The following GABRA1 variants were observed in gnomAD, a reference collection of about 807,000 sequenced individuals.
The protein encoded by GABRA1 is gamma-aminobutyric acid type A receptor subunit alpha1.
GABRA1 carries 9 observed loss-of-function variants against 48.9 expected under a neutral mutation model. The ratio of observed to expected loss-of-function variants is 0.18; its 90% CI spans 0.11 to 0.32. GABRA1 has a LOEUF of 0.32. Ranked by LOEUF, GABRA1 falls within the 10% of genes least tolerant of loss-of-function variation. GABRA1 has a pLI of 1.00. For synonymous variants in GABRA1, 210 were observed against 198.7 expected (o/e 1.06, Z -0.48); for missense variants, 285 against 553.8 (o/e 0.51, Z 4.87).
At chr5:161,862,063 C>T (rs759996934) in intron 3 of GABRA1, among the ~76,000 whole-genome samples, 9 of 151,746 alleles carry the variant, frequency 5.9e-5, no homozygotes, top group Non-Finnish European at 1.0e-4. Context: ...AACAAAATAC[C>T]ACCTACAATT....
intron 8 of GABRA1, among the ~76,000 whole-genome samples, chr5:161,893,009 A>AACT (rs3078111): frequency 3.3e-5 from 4 of 122,432 alleles, no homozygotes; most frequent in African/African-American, 1.4e-4. Flanking sequence ...CTTCTCAAAA[A>AACT]AATAATAATA....
intron 8 of GABRA1, among the ~76,000 whole-genome samples, chr5:161,893,841 C>T (rs1755237718): frequency 1.3e-5 from 2 of 152,186 alleles, no homozygotes; most frequent in Admixed American, 6.5e-5. Context: ...TATACATTGT[C>T]AGGTTCCATA....
chr5:161,876,679 C>T (rs996849342), intron 6 of GABRA1, among the ~76,000 whole-genome samples: 8 of 152,118 alleles, frequency 5.3e-5, no homozygotes, highest in African/African-American at 1.9e-4. Flanking sequence ...GTTAAACAGA[C>T]ATTTGGTGAT....
At chr5:161,854,084 A>C in intron 2 of GABRA1, 74 bp from the exon 3 acceptor site, 2 of 758,714 alleles carry the variant, frequency 2.6e-6, no homozygotes, top group Admixed American at 2.2e-5. Flanking sequence ...AAAACTGAGA[A>C]AGGATTTATT....
chr5:161,881,383 T>C (rs1026249823), intron 6 of GABRA1, among the ~76,000 whole-genome samples: 2 of 152,152 alleles, frequency 1.3e-5, no homozygotes, highest in Non-Finnish European at 2.9e-5. Context: ...TCTCTTTCTC[T>C]CTCACTCTAT....
chr5:161,853,320 T>TTAAATA lies in GABRA1; in HGVS notation c.75-831_75-826dup, dbSNP rs1237761019. Among the ~76,000 whole-genome samples the TTAAATA allele has an allele frequency of 2.0e-5, 3 of 151,946 alleles. No homozygotes were observed. In the East Asian group the frequency reaches 5.8e-4, roughly 29 times the overall value. On this transcript the variant is annotated intron_variant, in intron 2 of 9. Transcript: ENST00000393943. ...AGGCTACATCTCCAACTAGCAACGT[T>TTAAATA]TAAATATAAATAATTATCCCAATAT...
intron 3 of GABRA1, among the ~76,000 whole-genome samples, chr5:161,863,317 C>T (rs1349022775): frequency 3.9e-5 from 6 of 151,934 alleles, no homozygotes; most frequent in Middle Eastern, 6.8e-3. Context: ...AAAGAAAACA[C>T]GATTTATTGG....
intron 7 of GABRA1, among the ~76,000 whole-genome samples, chr5:161,885,422 G>A (rs1581209704): frequency 1.3e-5 from 2 of 152,212 alleles, no homozygotes; most frequent in African/African-American, 4.8e-5. Context: ...CACACATTGA[G>A]AATGACTAGA....
chr5:161,873,363 T>C, intron 5 of GABRA1, 26 bp downstream of exon 5: 1 of 1,542,388 alleles, frequency 6.5e-7, no homozygotes, highest in South Asian at 1.1e-5. Context: ...CTGCCATTCA[T>C]GAATGTTTCT....
chr5:161,861,269 A>G (rs977597756), intron 3 of GABRA1, among the ~76,000 whole-genome samples: 2 of 151,824 alleles, frequency 1.3e-5, no homozygotes, highest in African/African-American at 4.8e-5. Flanking sequence ...GTACTCCGTA[A>G]ATGCATACAC....
intron 4 of GABRA1, among the ~76,000 whole-genome samples, chr5:161,869,551 A>G (rs566315444): frequency 3.9e-5 from 6 of 152,350 alleles, no homozygotes; most frequent in African/African-American, 1.2e-4. Flanking sequence ...AGGTTCTGAC[A>G]GAAATATCCA....
chr5:161,884,946 G>T lies in GABRA1; in HGVS notation c.703+2245G>T, dbSNP rs185408587. 3.5e-3 allele frequency among the ~76,000 whole-genome samples: 538 copies of T among 152,124 alleles called. 5 individuals are homozygous for T. Among genetic ancestry groups the T allele is most frequent in the African/African-American group, 0.012 (514 of 41,502 alleles). On this transcript the variant is annotated intron_variant, in intron 7 of 9. Coordinates refer to ENST00000393943, the MANE Select transcript of GABRA1 (RefSeq NM_001127644.2). ...AAGGGATTCAACCTGTCTACATTCT[G>T]GATACTCAGAAAAAATACGCAGTCA...
chr5:161,878,604 G>A (rs1158809205), intron 6 of GABRA1, among the ~76,000 whole-genome samples: 5 of 152,072 alleles, frequency 3.3e-5, no homozygotes, highest in South Asian at 2.1e-4. Flanking sequence ...CTTTCTTACC[G>A]TTCTCTATTA....
chr5:161,865,265 A>G (rs1402505487), intron 3 of GABRA1, among the ~76,000 whole-genome samples: 2 of 152,146 alleles, frequency 1.3e-5, no homozygotes, highest in Non-Finnish European at 2.9e-5. Flanking sequence ...ACATTTATAA[A>G]ACATACTCTT....
intron 8 of GABRA1, among the ~76,000 whole-genome samples, chr5:161,892,203 C>T (rs1755122081): frequency 6.6e-6 from 1 of 152,146 alleles, no homozygotes; most frequent in South Asian, 2.1e-4. Flanking sequence ...GTGAGAGGTG[C>T]AATTATCAAG....
chr5:161,893,579 G>A (rs1755221631), intron 8 of GABRA1, among the ~76,000 whole-genome samples: 1 of 152,146 alleles, frequency 6.6e-6, no homozygotes, highest in African/African-American at 2.4e-5. Flanking sequence ...CAGAATGAAA[G>A]AAGGTTGCAG....
intron 3 of GABRA1, among the ~76,000 whole-genome samples, chr5:161,864,848 T>C (rs979099460): frequency 1.3e-5 from 2 of 150,274 alleles, no homozygotes; most frequent in Non-Finnish European, 3.0e-5. Context: ...AAAATAAATA[T>C]AAAAAATAAA....
rs138259457 is a variant in GABRA1, at chr5:161,897,374, G to C, written c.1323G>C (p.Thr441=). 1 of 1,614,106 alleles carries C rather than the reference G, an allele frequency of 6.2e-7. No homozygotes were observed. The highest frequency in any genetic ancestry group is 1.3e-5 in the African/African-American group (1 of 75,030). The part of the protein sequence containing the change: ...FGIFNLVYWA[T]YLNREPQLKA... ...TCTTTAACTTAGTCTACTGGGCTAC[G>C]TATTTAAACAGAGAGCCTCAGCTAA... The change falls in exon 10 of 10, where the codon ACG becomes ACC. Residue 441 remains threonine (T), a synonymous_variant. Coordinates refer to ENST00000393943, the MANE Select transcript of GABRA1 (RefSeq NM_001127644.2).
intron 4 of GABRA1, among the ~76,000 whole-genome samples, chr5:161,870,459 G>A (rs1314999560): frequency 1.3e-5 from 2 of 151,826 alleles, no homozygotes; most frequent in African/African-American, 4.8e-5. Flanking sequence ...CTACTCGGGA[G>A]GCTGAGACTG....
Sources: gnomAD v4.1 joint callset for allele counts (sites outside exome capture counted in the v4.1 genomes callset) on GRCh38, gnomAD v4.1.1 for gene constraint, MANE v1.5 for transcripts, NCBI Gene and HGNC (gene_info 2026-07-23, HGNC 2026-07-21) for gene names.